NUMB: variants seen among roughly 807,000 people sequenced by gnomAD.
NUMB encodes protein numb homolog.
NUMB carries 29 observed loss-of-function variants against 59.7 expected under a neutral mutation model. That is an observed-to-expected ratio of 0.49 (90% confidence interval 0.36 to 0.66). The LOEUF is 0.66. NUMB is among the 30% of genes least tolerant of loss of function. The pLI is 0.00. For missense variants in NUMB, 723 were observed against 822.0 expected (o/e 0.88, Z 1.47); for synonymous variants, 288 against 288.2 (o/e 1.00, Z 0.01).
At chr14:73,449,528 G>A (rs180909056) in intron 1 of NUMB, among the ~76,000 whole-genome samples, 1 of 152,062 alleles carries the variant, frequency 6.6e-6, no homozygotes, top group East Asian at 1.9e-4. Flanking sequence ...TGAATCCAAG[G>A]ATGCAGAATA....
intron 6 of NUMB, among the ~76,000 whole-genome samples, chr14:73,308,888 T>C (rs1890610125): frequency 6.6e-6 from 1 of 152,132 alleles, no homozygotes; most frequent in African/African-American, 2.4e-5. Flanking sequence ...ACTGGAATAG[T>C]AATACAAAAG....
intron 1 of NUMB, among the ~76,000 whole-genome samples, chr14:73,425,263 AAAG>A (rs1897530866): frequency 6.6e-6 from 1 of 152,244 alleles, no homozygotes; most frequent in Admixed American, 6.5e-5. Flanking sequence ...CTGTAAATAC[AAAG>A]AATAAAGCAC....
At chr14:73,372,969 G>C (rs1341396309) in intron 2 of NUMB, among the ~76,000 whole-genome samples, 1 of 152,068 alleles carries the variant, frequency 6.6e-6, no homozygotes, top group Non-Finnish European at 1.5e-5. Context: ...TATACTTTTA[G>C]GGTTTTATCC....
intron 2 of NUMB, among the ~76,000 whole-genome samples, chr14:73,373,369 T>C (rs1431137149): frequency 6.6e-6 from 1 of 152,230 alleles, no homozygotes; most frequent in Non-Finnish European, 1.5e-5. Flanking sequence ...TGTCTTCAGT[T>C]AAAGCTGCTA....
chr14:73,326,537 G>C lies in NUMB; in HGVS notation c.127-3333C>G, dbSNP rs566750405. Among the ~76,000 whole-genome samples the C allele has an allele frequency of 7.9e-5, 12 of 152,090 alleles. No homozygotes were observed. The South Asian group carries it at 2.3e-3, about 29-fold the overall frequency. ...AGCTCCTCGGGAGGCTGAGGCAGGA[G>C]AATTGCTTGAACCTGGCAGGCAGAG... On this transcript the variant is annotated intron_variant, in intron 4 of 12. Transcript: ENST00000555238.
intron 2 of NUMB, among the ~76,000 whole-genome samples, chr14:73,377,407 G>C (rs533348982): frequency 1.3e-5 from 2 of 152,022 alleles, no homozygotes; most frequent in South Asian, 4.2e-4. Flanking sequence ...GAGGCCAAGG[G>C]GGGCAGGCAG....
chr14:73,285,699 G>C (rs1171668136), intron 9 of NUMB: 2 of 152,076 alleles, frequency 1.3e-5, no homozygotes, highest in East Asian at 3.9e-4. Context: ...GCCAAGGCAG[G>C]CAGATCACCT....
At chr14:73,396,225 G>C (rs1288547286) in intron 2 of NUMB, among the ~76,000 whole-genome samples, 1 of 152,002 alleles carries the variant, frequency 6.6e-6, no homozygotes, top group Non-Finnish European at 1.5e-5. Flanking sequence ...TGAGATTACA[G>C]GCATGAGCTA....
chr14:73,386,867 A>ATTTTTTTTT lies in NUMB; in HGVS notation c.-100-19895_-100-19887dup, dbSNP rs71112745. On this transcript the variant is annotated intron_variant, in intron 2 of 12. Coordinates refer to ENST00000555238, the MANE Select transcript of NUMB (RefSeq NM_001005743.2). ...TACAAGACAATCTATCAGGTGTCTT[A>ATTTTTTTTT]TTTTTTTTTTTTTTTTTTTTTTTTT... Among the ~76,000 whole-genome samples, 306 of 79,790 alleles carry ATTTTTTTTT rather than the reference A, an allele frequency of 3.8e-3. 40 individuals are homozygous for ATTTTTTTTT. Among genetic ancestry groups the ATTTTTTTTT allele is most frequent in the Middle Eastern group, 0.01 (1 of 96 alleles). 52.3% of individuals were successfully genotyped at this position (79,790 alleles called of 152,430 possible). A position where few individuals can be genotyped will look rare whatever the true frequency, so the allele number is the denominator to read the frequency against.
chr14:73,390,642 T>A (rs1475694393), intron 2 of NUMB, among the ~76,000 whole-genome samples: 4 of 79,422 alleles, frequency 5.0e-5, no homozygotes, highest in African/African-American at 2.6e-4. Context: ...CAAAGTCTTT[T>A]TTTTTTTTTT....
At position 73,377,578 on chromosome 14, in the gene NUMB, T is replaced by G. The variant is rs192444321; in HGVS notation, c.-100-10597A>C. Among the ~76,000 whole-genome samples, 486 of 152,242 alleles carry G rather than the reference T, an allele frequency of 3.2e-3. 2 individuals carry two copies. Among genetic ancestry groups the G allele is most frequent in the African/African-American group, 9.0e-3 (376 of 41,552 alleles). On this transcript the variant is annotated intron_variant, in intron 2 of 12. Transcript: ENST00000555238. Reference sequence around the variant, plus strand: ...TCACTTGAACCCTGGAGGTGGAGGTTGCAGTGAGCCGAGATCATGCCATTA... The same window carrying G: ...TCACTTGAACCCTGGAGGTGGAGGTGGCAGTGAGCCGAGATCATGCCATTA...
intron 7 of NUMB, among the ~76,000 whole-genome samples, chr14:73,295,285 T>G (rs545915398): frequency 6.6e-6 from 1 of 152,260 alleles, no homozygotes; most frequent in East Asian, 1.9e-4. Flanking sequence ...AAATACAAGG[T>G]GGGAAGATGG....
intron 4 of NUMB, among the ~76,000 whole-genome samples, chr14:73,345,576 T>G (rs1892876102): frequency 2.0e-5 from 3 of 152,168 alleles, no homozygotes; most frequent in Admixed American, 2.0e-4. Context: ...TTTGTTTATG[T>G]CAGTTATAGC....
intron 6 of NUMB, among the ~76,000 whole-genome samples, chr14:73,302,775 A>G (rs149063996): frequency 6.6e-6 from 1 of 152,140 alleles, no homozygotes; most frequent in Admixed American, 6.6e-5. Flanking sequence ...AAGATTTCTG[A>G]GCACTTTTAA....
At chr14:73,436,277 T>C (rs1898049204) in intron 1 of NUMB, among the ~76,000 whole-genome samples, 1 of 152,196 alleles carries the variant, frequency 6.6e-6, no homozygotes, top group African/African-American at 2.4e-5. Flanking sequence ...AGTAACTCAC[T>C]TGGGTTTTCT....
chr14:73,347,769 T>C (rs1220173422), intron 4 of NUMB, among the ~76,000 whole-genome samples: 1 of 152,212 alleles, frequency 6.6e-6, no homozygotes, highest in Non-Finnish European at 1.5e-5. Context: ...CAAGCCTATT[T>C]CACTGCCTGT....
intron 2 of NUMB, among the ~76,000 whole-genome samples, chr14:73,369,096 C>CA (rs1174709453): frequency 6.7e-6 from 1 of 149,864 alleles, no homozygotes; most frequent in Non-Finnish European, 1.5e-5. Context: ...GGCTGGAGTG[C>CA]AATGGCACGA....
At chr14:73,358,929 T>C (rs1893956938) in intron 3 of NUMB, among the ~76,000 whole-genome samples, 1 of 152,174 alleles carries the variant, frequency 6.6e-6, no homozygotes, top group African/African-American at 2.4e-5. Context: ...TGGAAGAGAC[T>C]GACAGTGTAA....
chr14:73,319,314 A>G (rs1470312675), intron 5 of NUMB, among the ~76,000 whole-genome samples: 1 of 152,222 alleles, frequency 6.6e-6, no homozygotes, highest in Non-Finnish European at 1.5e-5. Context: ...TTTAGTTCAA[A>G]GATTATTCAC....
Sources: allele counts gnomAD v4.1 joint callset (sites outside exome capture counted in the v4.1 genomes callset), GRCh38; gene constraint gnomAD v4.1.1; transcripts MANE v1.5; gene names NCBI Gene and HGNC (gene_info 2026-07-23, HGNC 2026-07-21).